Variants in STIM1 observed in about 807,000 individuals in gnomAD.
STIM1 encodes the protein stromal interaction molecule 1.
A neutral mutation model predicts 74.7 loss-of-function variants in STIM1; 25 were observed. That is an observed-to-expected ratio of 0.33 (90% CI 0.24 to 0.47). The LOEUF is 0.47. Among genes scored for constraint, STIM1 ranks in the 20% least tolerant of loss-of-function variants. The pLI, the probability that STIM1 is intolerant of heterozygous loss-of-function variation, is 1.00. For synonymous variants in STIM1, 328 were observed against 348.8 expected, an observed-to-expected ratio of 0.94 and a Z score of 0.66; for missense variants, 728 against 920.8, an observed-to-expected ratio of 0.79 and a Z score of 2.71.
chr11:4,068,726 G>A (rs1335800906), intron 5 of STIM1, among the ~76,000 whole-genome samples: 1 of 152,148 alleles, frequency 6.6e-6, no homozygotes, highest in African/African-American at 2.4e-5. Flanking sequence ...GGTGGAAATA[G>A]GATGTGTTAA....
intron 1 of STIM1, among the ~76,000 whole-genome samples, chr11:3,865,942 A>G (rs1370698324): frequency 6.6e-6 from 1 of 152,202 alleles, no homozygotes; most frequent in Non-Finnish European, 1.5e-5. Context: ...AGTGGAGCAG[A>G]TTTCTTTTGT....
intron 1 of STIM1, among the ~76,000 whole-genome samples, chr11:3,905,309 G>C (rs148656749): frequency 6.6e-6 from 1 of 152,046 alleles, no homozygotes; most frequent in African/African-American, 2.4e-5. Flanking sequence ...ATATAGTTGC[G>C]AGGGAAGGAA....
intron 2 of STIM1, among the ~76,000 whole-genome samples, chr11:4,016,871 C>T (rs1034323752): frequency 5.9e-5 from 9 of 152,344 alleles, no homozygotes; most frequent in Middle Eastern, 3.4e-3. Flanking sequence ...TGGGACCCGC[C>T]GAGCCAGGCA....
intron 3 of STIM1, among the ~76,000 whole-genome samples, chr11:4,027,459 G>A (rs1008312459): frequency 5.3e-5 from 8 of 151,996 alleles, no homozygotes; most frequent in Non-Finnish European, 7.4e-5. Flanking sequence ...CTACAGGTGT[G>A]TGCCAGTGCG....
At chr11:3,966,785 G>C (rs1326234010) in intron 1 of STIM1, among the ~76,000 whole-genome samples, 1 of 152,214 alleles carries the variant, frequency 6.6e-6, no homozygotes, top group African/African-American at 2.4e-5. Context: ...GCATCATTCA[G>C]ACTAGGTGTT....
Position 3,877,352 on chromosome 11 carries a change from G to T in STIM1, c.139+20943G>T, listed in dbSNP as rs190362879. 2.5e-3 allele frequency among the ~76,000 whole-genome samples: 377 copies of T among 152,196 alleles called. 4 individuals carry two copies. The highest frequency in any genetic ancestry group is 8.7e-3 in the African/African-American group (362 of 41,518). ...TCTCTACATTTCCCATGGTCTTCAT[G>T]GGAGGGCTGGCTCTTGTCTTTCTAG... On this transcript the variant is annotated intron_variant, in intron 1 of 12. Coordinates refer to ENST00000526596, the MANE Select transcript of STIM1 (RefSeq NM_001382567.1).
chr11:3,881,311 A>G (rs1343040479), intron 1 of STIM1, among the ~76,000 whole-genome samples: 2 of 151,950 alleles, frequency 1.3e-5, no homozygotes, highest in African/African-American at 2.4e-5. Context: ...AGATTTACCT[A>G]TTCTGGATAT....
At chr11:3,994,689 G>A (rs1008883292) in intron 2 of STIM1, among the ~76,000 whole-genome samples, 2 of 151,746 alleles carry the variant, frequency 1.3e-5, no homozygotes, top group African/African-American at 2.4e-5. Context: ...TTAACTCCTG[G>A]CCCCAAGCAA....
chr11:4,087,778 G>T (rs2133247739), intron 12 of STIM1, among the ~76,000 whole-genome samples: 1 of 149,056 alleles, frequency 6.7e-6, no homozygotes. Context: ...TTTGGTAACT[G>T]GCTACAGTGG....
intron 1 of STIM1, among the ~76,000 whole-genome samples, chr11:3,873,626 A>G (rs2091211222): frequency 6.6e-6 from 1 of 152,074 alleles, no homozygotes; most frequent in African/African-American, 2.4e-5. Context: ...TAGGTTCAGT[A>G]TAGCCACTGG....
intron 2 of STIM1, among the ~76,000 whole-genome samples, chr11:3,985,628 C>T (rs2093551634): frequency 6.6e-6 from 1 of 152,196 alleles, no homozygotes. Flanking sequence ...ATCTGGGCCC[C>T]ACAGAGTGGT....
Position 3,968,052 on chromosome 11 carries a change from G to A in STIM1, c.270+370G>A, listed in dbSNP as rs138572738. ...GGCATCAGTCTGTTCTCAGCCCTGT[G>A]TTGGCATGAGGGATAGAAGATAAGA... On this transcript the variant is annotated intron_variant, in intron 2 of 12. Transcript: ENST00000526596. Among the ~76,000 whole-genome samples, 450 of 152,304 alleles carry A rather than the reference G, an allele frequency of 3.0e-3. 3 individuals carry two copies. The highest frequency in any genetic ancestry group is 5.3e-3 in the Non-Finnish European group (361 of 68,028).
chr11:3,855,605 G>GGCCCC (rs1554949640), upstream of STIM1: 1 of 139,206 alleles, frequency 7.2e-6, no homozygotes, highest in South Asian at 2.5e-4. Context: ...CGCGGGGCGG[G>GGCCCC]CGCGGAGACG....
intron 2 of STIM1, among the ~76,000 whole-genome samples, chr11:4,015,363 A>G (rs2093885734): frequency 6.6e-6 from 1 of 152,172 alleles, no homozygotes; most frequent in Non-Finnish European, 1.5e-5. Context: ...AGAATGTTGA[A>G]TATTGGCCCC....
intron 1 of STIM1, among the ~76,000 whole-genome samples, chr11:3,858,903 C>A (rs868555209): frequency 2.0e-5 from 3 of 152,142 alleles, no homozygotes; most frequent in Admixed American, 6.5e-5. Flanking sequence ...CTTGGTCTTT[C>A]TTATAGGCAG....
At chr11:4,072,118 G>T (rs1381646446) in intron 6 of STIM1, among the ~76,000 whole-genome samples, 1 of 152,098 alleles carries the variant, frequency 6.6e-6, no homozygotes, top group Non-Finnish European at 1.5e-5. Flanking sequence ...CCAAGTTTGG[G>T]GATAAAACTA....
intron 1 of STIM1, among the ~76,000 whole-genome samples, chr11:3,867,842 T>TGGCAGGCAGGCAGGCAGGCA (rs989812350): frequency 7.6e-6 from 1 of 130,872 alleles, no homozygotes; most frequent in Non-Finnish European, 1.7e-5. Context: ...GAAATCTCAC[T>TGGCAGGCAGGCAGGCAGGCA]GGCAGGCAGG....
At chr11:4,025,294 T>G (rs929839785) in intron 3 of STIM1, among the ~76,000 whole-genome samples, 11 of 152,224 alleles carry the variant, frequency 7.2e-5, no homozygotes, top group Admixed American at 4.6e-4. Flanking sequence ...ACCTGGATTC[T>G]AATCCTGATT....
intron 6 of STIM1, 39 bp downstream of exon 6, chr11:4,070,242 G>T: frequency 6.2e-7 from 1 of 1,611,890 alleles, no homozygotes; most frequent in Non-Finnish European, 8.5e-7. Context: ...GGCCCTGCCA[G>T]TTCTTGGGAA....
Sources: allele counts gnomAD v4.1 joint callset (sites outside exome capture counted in the v4.1 genomes callset), GRCh38; gene constraint gnomAD v4.1.1; transcripts MANE v1.5; gene names NCBI Gene and HGNC (gene_info 2026-07-23, HGNC 2026-07-21).